The following TMC1 variants were observed in gnomAD, a reference collection of about 807,000 sequenced individuals.
TMC1 encodes transmembrane channel-like protein 1.
TMC1 carries 84 observed loss-of-function variants against 105.8 expected under a neutral mutation model. That is an observed-to-expected ratio of 0.79 (90% CI 0.67 to 0.95). The LOEUF (loss-of-function observed/expected upper bound fraction) is 0.95. TMC1 is among the 40% of genes least tolerant of loss of function. The pLI is 0.00. For synonymous variants in TMC1, 315 were observed against 311.5 expected (o/e 1.01, Z -0.12); for missense variants, 817 against 914.1 (o/e 0.89, Z 1.37).
In TMC1 at chr9:72,669,038, C is replaced by T. The variant is rs188673704; in HGVS notation, c.17-19671C>T. Among the ~76,000 whole-genome samples the T allele has an allele frequency of 4.4e-3, 674 of 152,320 alleles. 4 individuals carry two copies. The highest frequency in any genetic ancestry group is 0.016 in the African/African-American group (647 of 41,564). ...AAGATAATACAGCTGGGTGCAGTGG[C>T]TCACGCTTGTAATCCCAGCACTTTG... is the stretch of plus-strand genomic sequence containing the variant. On this transcript the variant is annotated intron_variant, in intron 5 of 23. Transcript: ENST00000297784.
chr9:72,673,152 T>C (rs540410569), intron 5 of TMC1, among the ~76,000 whole-genome samples: 93 of 152,278 alleles, frequency 6.1e-4, no homozygotes, highest in Admixed American at 1.2e-3. Flanking sequence ...AATTTGAAAG[T>C]GTTTGAACTA....
chr9:72,586,996 A>C (rs1440145682), intron 2 of TMC1, among the ~76,000 whole-genome samples: 1 of 151,998 alleles, frequency 6.6e-6, no homozygotes, highest in Non-Finnish European at 1.5e-5. Context: ...CAAAGTCTGG[A>C]GTGTGTCAAC....
chr9:72,731,182 T>C (rs536696037), intron 8 of TMC1, among the ~76,000 whole-genome samples: 1 of 152,246 alleles, frequency 6.6e-6, no homozygotes, highest in Admixed American at 6.5e-5. Context: ...AATTAGCATA[T>C]GTTGAAATTC....
chr9:72,598,358 C>A (rs1340983132), intron 2 of TMC1, among the ~76,000 whole-genome samples: 4 of 123,408 alleles, frequency 3.2e-5, no homozygotes, highest in Non-Finnish European at 6.9e-5. Context: ...CTTATTTTCC[C>A]AGGAACGTGA....
intron 1 of TMC1, among the ~76,000 whole-genome samples, chr9:72,560,211 A>G (rs1445319620): frequency 6.6e-6 from 1 of 152,214 alleles, no homozygotes; most frequent in Non-Finnish European, 1.5e-5. Flanking sequence ...ATCTCTGATG[A>G]TTAGATAAAA....
intron 4 of TMC1, among the ~76,000 whole-genome samples, chr9:72,640,143 G>A (rs897393698): frequency 1.3e-5 from 2 of 152,224 alleles, no homozygotes; most frequent in African/African-American, 4.8e-5. Flanking sequence ...TTTTACTAAT[G>A]TTGTATATTG....
intron 2 of TMC1, among the ~76,000 whole-genome samples, chr9:72,584,238 G>A (rs1246638178): frequency 6.6e-6 from 1 of 151,710 alleles, no homozygotes; most frequent in Non-Finnish European, 1.5e-5. Context: ...AAGCTAAGGA[G>A]GTTGCATGAA....
chr9:72,738,451 C>G (rs1033069146), intron 8 of TMC1, among the ~76,000 whole-genome samples: 1 of 151,982 alleles, frequency 6.6e-6, no homozygotes, highest in Admixed American at 6.6e-5. Flanking sequence ...GAATCTCACT[C>G]TGTTGCCCCA....
chr9:72,528,559 C>T (rs1823445371), intron 1 of TMC1, among the ~76,000 whole-genome samples: 1 of 152,076 alleles, frequency 6.6e-6, no homozygotes, highest in Non-Finnish European at 1.5e-5. Flanking sequence ...GTCTCGAACT[C>T]CTGACCTCAG....
intron 13 of TMC1, among the ~76,000 whole-genome samples, chr9:72,772,881 T>G (rs1191011878): frequency 1.3e-5 from 2 of 152,168 alleles, no homozygotes; most frequent in Non-Finnish European, 2.9e-5. Context: ...GGAAAACAGC[T>G]GCTGGTCTCT....
rs768817345 is a variant in TMC1 at position 72,648,604 on chromosome 9, C to T, written c.-45C>T. 1.3e-6 allele frequency: 2 copies of T among 1,599,198 alleles called. No individual in the cohort carries two copies. The highest frequency in any genetic ancestry group is 1.7e-6 in the Non-Finnish European group (2 of 1,166,428). ...TGTTCCTTCATCCTGCAGTCCCTCT[C>T]CAAACTAGCCAGCCACTGAGACCTT... is the stretch of plus-strand genomic sequence containing the variant. On this transcript the variant is annotated 5_prime_UTR_variant, in exon 5 of 24. Coordinates refer to ENST00000297784, the MANE Select transcript of TMC1 (RefSeq NM_138691.3).
chr9:72,690,224 A>G (rs554191369), intron 6 of TMC1, among the ~76,000 whole-genome samples: 1 of 151,846 alleles, frequency 6.6e-6, no homozygotes, highest in Admixed American at 6.6e-5. Context: ...GCATACTAAA[A>G]CTCTACACTT....
chr9:72,537,939 C>T (rs1823610324), intron 1 of TMC1, among the ~76,000 whole-genome samples: 1 of 151,964 alleles, frequency 6.6e-6, no homozygotes, highest in Non-Finnish European at 1.5e-5. Context: ...AGATTGCCAC[C>T]TGGGCAATCT....
chr9:72,778,957 C>T (rs1445598124), intron 13 of TMC1, among the ~76,000 whole-genome samples: 1 of 152,232 alleles, frequency 6.6e-6, no homozygotes, highest in Non-Finnish European at 1.5e-5. Context: ...TATGCATGGA[C>T]CCTGCTGCTC....
chr9:72,812,713 T>C (rs774797216), intron 18 of TMC1, among the ~76,000 whole-genome samples: 16 of 152,216 alleles, frequency 1.1e-4, no homozygotes, highest in Non-Finnish European at 1.9e-4. Flanking sequence ...CAGACTAGCT[T>C]GCAGCTCTAA....
rs376263802 is a variant in TMC1 at position 72,659,103 on chromosome 9, T to C, written c.16+10439T>C. ...GGTCAAAAAGATGCCTATATTCACT[T>C]CCGCACTTAGGTCTCCAAGCCTCAG... On this transcript the variant is annotated intron_variant, in intron 5 of 23. Transcript: ENST00000297784. Among the ~76,000 whole-genome samples, 3 of 152,156 alleles carry C rather than the reference T, an allele frequency of 2.0e-5. No individual in the cohort carries two copies. In the East Asian group the frequency reaches 5.8e-4, roughly 29 times the overall value.
intron 1 of TMC1, among the ~76,000 whole-genome samples, chr9:72,551,232 A>G (rs1437313047): frequency 6.6e-6 from 1 of 152,188 alleles, no homozygotes; most frequent in Non-Finnish European, 1.5e-5. Context: ...AAACTGTAAG[A>G]CAATACATTA....
At chr9:72,644,986 A>C (rs1350086559) in intron 4 of TMC1, among the ~76,000 whole-genome samples, 2 of 152,192 alleles carry the variant, frequency 1.3e-5, no homozygotes, top group Non-Finnish European at 2.9e-5. Flanking sequence ...TGGGTGAAAA[A>C]AGGGTGAAAT....
At chr9:72,565,022 C>A (rs1824122659) in intron 1 of TMC1, among the ~76,000 whole-genome samples, 1 of 152,120 alleles carries the variant, frequency 6.6e-6, no homozygotes, top group Admixed American at 6.6e-5. Context: ...AGAAACTCAA[C>A]CTATGTTAAC....
Sources: allele counts gnomAD v4.1 joint callset (sites outside exome capture counted in the v4.1 genomes callset), GRCh38; gene constraint gnomAD v4.1.1; transcripts MANE v1.5; gene names NCBI Gene and HGNC (gene_info 2026-07-23, HGNC 2026-07-21).